The following INPP5A variants were observed in gnomAD, a reference collection of about 807,000 sequenced individuals.
The protein encoded by INPP5A is 43 kDa inositol polyphosphate 5-phophatase.
Under a neutral mutation model 65.2 loss-of-function variants are expected in INPP5A, and 14 were observed. That is an observed-to-expected ratio of 0.21 (90% CI 0.14 to 0.34). The LOEUF is 0.34. Ranked by LOEUF, INPP5A falls within the 10% of genes least tolerant of loss-of-function variation. INPP5A has a pLI of 1.00. For missense variants in INPP5A, 431 were observed against 545.6 expected (o/e 0.79, Z 2.09); for synonymous variants, 207 against 208.3 (o/e 0.99, Z 0.05).
At chr10:132,671,226 C>G (rs1412577935) in intron 4 of INPP5A, among the ~76,000 whole-genome samples, 1 of 152,164 alleles carries the variant, frequency 6.6e-6, no homozygotes, top group African/African-American at 2.4e-5. Context: ...CAGTGGGCAA[C>G]TGGGGCCCCT....
rs778666107 is a variant in INPP5A, at chr10:132,698,760, C to T, written c.474+841C>T. Among the ~76,000 whole-genome samples, 3 of 152,224 alleles carry T rather than the reference C, an allele frequency of 2.0e-5. No homozygotes were observed. The highest frequency in any genetic ancestry group is 2.9e-5 in the Non-Finnish European group (2 of 68,036). On this transcript the variant is annotated intron_variant, in intron 6 of 15. Coordinates refer to ENST00000368594, the MANE Select transcript of INPP5A (RefSeq NM_005539.5). This position sits in a 1 kb window ranked among gnomAD's most constrained non-coding sequence, Gnocchi z 5.5. ...GTCCAGGCTGTGATATAGGAGCTCT[C>T]GTCCGGACTTGTCTGCGCAGGCAGC...
chr10:132,650,657 G>A lies in INPP5A; in HGVS notation c.306+152G>A, dbSNP rs955785522. 237 of 641,096 alleles carry A rather than the reference G, an allele frequency of 3.7e-4. 1 individual carries two copies. The highest frequency in any genetic ancestry group is 1.2e-4 in the Non-Finnish European group (43 of 359,132). The allele number at this position is 641,096 out of a possible 1,614,324, so 39.7% of individuals were successfully genotyped here. ...GCCTGGCACTCCCGCAGCCTGCTTG[G>A]TGGTCTGCTCGTGGTCTGAGCCCAT... On this transcript the variant is annotated intron_variant, in intron 4 of 15. Transcript: ENST00000368594. This position sits in a 1 kb window ranked among gnomAD's most constrained non-coding sequence, Gnocchi z 5.5.
intron 1 of INPP5A, among the ~76,000 whole-genome samples, chr10:132,578,702 G>T (rs545585793): frequency 7.9e-5 from 12 of 151,536 alleles, no homozygotes; most frequent in African/African-American, 2.9e-4. Context: ...CGAGCTCCAG[G>T]ACACCCAGAA....
chr10:132,747,208 C>T (rs914711652), intron 9 of INPP5A, among the ~76,000 whole-genome samples: 1 of 152,232 alleles, frequency 6.6e-6, no homozygotes, highest in African/African-American at 2.4e-5. Flanking sequence ...TGGATGGGGC[C>T]GGACCTCCTT....
At chr10:132,609,439 C>T (rs2071910867) in intron 2 of INPP5A, among the ~76,000 whole-genome samples, 1 of 152,040 alleles carries the variant, frequency 6.6e-6, no homozygotes, top group African/African-American at 2.4e-5. Flanking sequence ...GTGTGCCTGT[C>T]GGGGAGACCC....
Position 132,603,044 on chromosome 10 carries a change from A to T in INPP5A, c.76-4871A>T, listed in dbSNP as rs1420471258. Among the ~76,000 whole-genome samples, 1 of 152,226 alleles carries T rather than the reference A, an allele frequency of 6.6e-6. No homozygotes were observed. The highest frequency in any genetic ancestry group is 1.5e-5 in the Non-Finnish European group (1 of 68,030). On this transcript the variant is annotated intron_variant, in intron 1 of 15. Transcript: ENST00000368594. This position sits in a 1 kb window ranked among gnomAD's most constrained non-coding sequence, Gnocchi z 4.2. ...GAATAAAGAAAGGATCTAATATAGC[A>T]TTTTAAAAGTAAATATTTAACTAGT...
At chr10:132,577,298 T>C (rs1471590420) in intron 1 of INPP5A, among the ~76,000 whole-genome samples, 2 of 152,236 alleles carry the variant, frequency 1.3e-5, no homozygotes, top group Non-Finnish European at 2.9e-5. Context: ...GACGGGACTC[T>C]GATCATCCTC....
rs116116723 is a variant in INPP5A, at chr10:132,671,639, T to C, written c.307-18753T>C. Among the ~76,000 whole-genome samples, 313 of 152,336 alleles carry C rather than the reference T, an allele frequency of 2.1e-3. 4 individuals carry two copies. The highest frequency in any genetic ancestry group is 7.3e-3 in the African/African-American group (304 of 41,572). ...CGGCTCCTCCAGCATGGGAAGGTGC[T>C]GACAGGAAGCAGCACCAACACCTCC... On this transcript the variant is annotated intron_variant, in intron 4 of 15. Coordinates refer to ENST00000368594, the MANE Select transcript of INPP5A (RefSeq NM_005539.5).
chr10:132,593,510 G>T (rs2071645200), intron 1 of INPP5A, among the ~76,000 whole-genome samples: 1 of 152,150 alleles, frequency 6.6e-6, no homozygotes, highest in Non-Finnish European at 1.5e-5. Context: ...TTTTCAACAT[G>T]ACTTACAGGG....
intron 14 of INPP5A, 125 bp downstream of exon 14, chr10:132,781,042 TCTCTC>T (rs1847152858): frequency 1.4e-6 from 1 of 702,092 alleles, no homozygotes; most frequent in Non-Finnish European, 2.5e-6. Context: ...GGTTGGCCAG[TCTCTC>T]CTCTCCTGTT....
intron 6 of INPP5A, among the ~76,000 whole-genome samples, chr10:132,700,280 G>C (rs1217311411): frequency 2.0e-5 from 3 of 152,244 alleles, no homozygotes; most frequent in Non-Finnish European, 4.4e-5. Flanking sequence ...GCTGTCTGCG[G>C]CCTGGTGGTC....
Position 132,754,204 on chromosome 10 carries a change from G to A in INPP5A, c.903+4359G>A, listed in dbSNP as rs114506092. Among the ~76,000 whole-genome samples, 1,347 of 152,354 alleles carry A rather than the reference G, an allele frequency of 8.8e-3. 8 individuals are homozygous for A. Among genetic ancestry groups the A allele is most frequent in the South Asian group, 0.019 (93 of 4,824 alleles). On this transcript the variant is annotated intron_variant, in intron 11 of 15. Coordinates refer to ENST00000368594, the MANE Select transcript of INPP5A (RefSeq NM_005539.5). ...CGCCATGGTCCCTGCGCAGCCTTGC[G>A]TTTGTATCATGGTCGTGTGTACCTC...
At chr10:132,696,766 C>G (rs1025498334) in intron 5 of INPP5A, among the ~76,000 whole-genome samples, 1 of 152,220 alleles carries the variant, frequency 6.6e-6, no homozygotes, top group South Asian at 2.1e-4. Flanking sequence ...CAGGACTGTG[C>G]GCCTAGGGCT....
At chr10:132,746,367 C>T (rs1164999637) in intron 9 of INPP5A, among the ~76,000 whole-genome samples, 1 of 152,210 alleles carries the variant, frequency 6.6e-6, no homozygotes, top group Non-Finnish European at 1.5e-5. Flanking sequence ...GTGTCCGGGA[C>T]AGTTGAGGGG....
At chr10:132,732,884 A>G (rs1341759213) in intron 9 of INPP5A, among the ~76,000 whole-genome samples, 1 of 152,168 alleles carries the variant, frequency 6.6e-6, no homozygotes, top group Non-Finnish European at 1.5e-5. Flanking sequence ...CCTCCCGCGC[A>G]GAGTCTCCTG....
In INPP5A at chr10:132,545,990, A is replaced by C. The variant is rs2070965420; in HGVS notation, c.75+7819A>C. Among the ~76,000 whole-genome samples the C allele has an allele frequency of 6.6e-6, 1 of 152,198 alleles. No individual in the cohort carries two copies. Among genetic ancestry groups the C allele is most frequent in the Non-Finnish European group, 1.5e-5 (1 of 68,020 alleles). On this transcript the variant is annotated intron_variant, in intron 1 of 15. Coordinates refer to ENST00000368594, the MANE Select transcript of INPP5A (RefSeq NM_005539.5). This position sits in a 1 kb window ranked among gnomAD's most constrained non-coding sequence, Gnocchi z 4.6. ...TTCATGGTGTGTTTGGAGACGTGGA[A>C]GTGGCTCTGGAGGAGCGTCCACCAG...
chr10:132,671,615 G>A (rs566468924), intron 4 of INPP5A, among the ~76,000 whole-genome samples: 1 of 152,260 alleles, frequency 6.6e-6, no homozygotes, highest in African/African-American at 2.4e-5. Flanking sequence ...CGTATTCTGC[G>A]GCTCCTCCAG....
At chr10:132,755,177 ATG>A (rs757398286) in intron 11 of INPP5A, among the ~76,000 whole-genome samples, 6 of 151,336 alleles carry the variant, frequency 4.0e-5, no homozygotes, top group African/African-American at 9.7e-5. Context: ...GTGTGTGAGC[ATG>A]TGTGAGAGCA....
intron 2 of INPP5A, among the ~76,000 whole-genome samples, chr10:132,629,811 G>T (rs185560121): frequency 6.6e-6 from 1 of 152,142 alleles, no homozygotes. Flanking sequence ...TCCATGAGTG[G>T]AGGGTATCCA....
Sources: allele counts gnomAD v4.1 joint callset (sites outside exome capture counted in the v4.1 genomes callset), GRCh38; gene constraint gnomAD v4.1.1; non-coding constraint Gnocchi (gnomAD v3.1); transcripts MANE v1.5; gene names NCBI Gene and HGNC (gene_info 2026-07-23, HGNC 2026-07-21).